BTRC: variants seen among roughly 807,000 people sequenced by gnomAD.
The protein encoded by BTRC is F-box/WD repeat-containing protein 1A.
In BTRC, 42 loss-of-function variants were observed where a neutral mutation model predicts 85.5. The observed-to-expected ratio is 0.49, with a 90% CI of 0.38 to 0.64. BTRC has a LOEUF of 0.64. Ranked by LOEUF, BTRC falls within the 30% of genes least tolerant of loss-of-function variation. BTRC has a pLI of 0.00. For synonymous variants in BTRC, 255 were observed against 263.3 expected, an observed-to-expected ratio of 0.97 and a Z score of 0.30; for missense variants, 594 against 743.5, an observed-to-expected ratio of 0.80 and a Z score of 2.34.
intron 3 of BTRC, among the ~76,000 whole-genome samples, chr10:101,466,397 G>A (rs1380033204): frequency 1.3e-5 from 2 of 152,136 alleles, no homozygotes; most frequent in Non-Finnish European, 1.5e-5. Context: ...CCATGAGAGA[G>A]GCCAAGAAGC....
At chr10:101,451,925 C>T (rs895405820) in intron 2 of BTRC, among the ~76,000 whole-genome samples, 4 of 152,070 alleles carry the variant, frequency 2.6e-5, no homozygotes, top group Non-Finnish European at 5.9e-5. Flanking sequence ...TGAGCTCAGT[C>T]CACCCACTCT....
At chr10:101,518,308 G>A (rs2062052937) in intron 4 of BTRC, among the ~76,000 whole-genome samples, 1 of 152,072 alleles carries the variant, frequency 6.6e-6, no homozygotes, top group African/African-American at 2.4e-5. Flanking sequence ...AGATTGTGTC[G>A]CTATTATGCT....
chr10:101,514,080 A>G (rs538253817), intron 4 of BTRC, among the ~76,000 whole-genome samples: 14 of 152,298 alleles, frequency 9.2e-5, no homozygotes, highest in Admixed American at 3.3e-4. Context: ...TTTTTTGTGA[A>G]GTATCTGTTC....
chr10:101,448,335 C>G (rs1280043950), intron 2 of BTRC, among the ~76,000 whole-genome samples: 1 of 152,080 alleles, frequency 6.6e-6, no homozygotes, highest in African/African-American at 2.4e-5. Flanking sequence ...AACAAAAACT[C>G]AACAAGGTTG....
At chr10:101,488,660 A>G (rs1334491809) in intron 4 of BTRC, among the ~76,000 whole-genome samples, 1 of 152,168 alleles carries the variant, frequency 6.6e-6, no homozygotes, top group Non-Finnish European at 1.5e-5. Context: ...TACATATTAG[A>G]CTTAGTGGCT....
At chr10:101,538,781 C>A (rs1452233184) in intron 13 of BTRC, among the ~76,000 whole-genome samples, 1 of 152,184 alleles carries the variant, frequency 6.6e-6, no homozygotes, top group Non-Finnish European at 1.5e-5. Context: ...GGTGCGGTGG[C>A]TCATGCCTAT....
At position 101,478,560 on chromosome 10, in the gene BTRC, G is replaced by A. The variant is rs557591771; in HGVS notation, c.235-808G>A. 2.0e-3 allele frequency among the ~76,000 whole-genome samples: 304 copies of A among 151,928 alleles called. 3 individuals carry two copies. Among genetic ancestry groups the A allele is most frequent in the Non-Finnish European group, 3.4e-3 (229 of 67,958 alleles). Reference sequence around the variant, plus strand: ...AATCCCAGCACATTAGAAGGCTGAGGCAGGAGGATCACTTGAGCTCAGGAG... The same window carrying A: ...AATCCCAGCACATTAGAAGGCTGAGACAGGAGGATCACTTGAGCTCAGGAG... On this transcript the variant is annotated intron_variant, in intron 3 of 14. Coordinates refer to ENST00000370187, the MANE Select transcript of BTRC (RefSeq NM_033637.4).
intron 4 of BTRC, among the ~76,000 whole-genome samples, chr10:101,513,323 A>G (rs1564817603): frequency 6.6e-6 from 1 of 152,178 alleles, no homozygotes; most frequent in Non-Finnish European, 1.5e-5. Context: ...TTTACATACA[A>G]TAAAATACAC....
At chr10:101,369,586 G>C (rs1208131846) in intron 1 of BTRC, among the ~76,000 whole-genome samples, 1 of 152,118 alleles carries the variant, frequency 6.6e-6, no homozygotes, top group East Asian at 1.9e-4. Flanking sequence ...GTTTCTTTTA[G>C]TAGAGAATGA....
chr10:101,389,008 G>A (rs1943156165), intron 1 of BTRC, among the ~76,000 whole-genome samples: 2 of 150,824 alleles, frequency 1.3e-5, no homozygotes, highest in South Asian at 4.2e-4. Flanking sequence ...GTGGGCTGAT[G>A]ATTTCTAATG....
intron 4 of BTRC, among the ~76,000 whole-genome samples, chr10:101,492,482 G>A (rs932620219): frequency 3.3e-5 from 5 of 152,014 alleles, no homozygotes; most frequent in Non-Finnish European, 7.4e-5. Flanking sequence ...TTTTCAGTTT[G>A]TATATTTTTC....
chr10:101,505,639 AAT>A (rs199587113), intron 4 of BTRC, among the ~76,000 whole-genome samples: 44,303 of 149,332 alleles, frequency 0.3, 7,667 homozygotes, highest in Middle Eastern at 0.46. Flanking sequence ...AAAAAAAAAA[AAT>A]AATAATAAAA....
chr10:101,506,791 T>A (rs1946553987), intron 4 of BTRC, among the ~76,000 whole-genome samples: 1 of 152,238 alleles, frequency 6.6e-6, no homozygotes, highest in African/African-American at 2.4e-5. Context: ...AGCTATAGTG[T>A]ACTCATTGTT....
At chr10:101,436,478 C>T (rs1944532722) in intron 2 of BTRC, among the ~76,000 whole-genome samples, 1 of 152,014 alleles carries the variant, frequency 6.6e-6, no homozygotes, top group Non-Finnish European at 1.5e-5. Flanking sequence ...GACCCTGTCT[C>T]TACAAAAAAT....
At chr10:101,528,696 C>CT (rs940060363) in intron 6 of BTRC, among the ~76,000 whole-genome samples, 5 of 152,082 alleles carry the variant, frequency 3.3e-5, no homozygotes, top group Admixed American at 2.6e-4. Flanking sequence ...GTTTTCTTCC[C>CT]TTTTTTAAAA....
intron 1 of BTRC, among the ~76,000 whole-genome samples, chr10:101,370,511 G>A (rs371128169): frequency 3.3e-5 from 5 of 152,164 alleles, no homozygotes; most frequent in African/African-American, 1.2e-4. Flanking sequence ...AATGAGTAGA[G>A]GTTTATTGTA....
intron 4 of BTRC, among the ~76,000 whole-genome samples, chr10:101,491,263 G>T (rs1946126021): frequency 6.6e-6 from 1 of 152,098 alleles, no homozygotes. Flanking sequence ...TTTAGTAATT[G>T]TTTTAGAAGT....
At chr10:101,513,958 T>C (rs1297262303) in intron 4 of BTRC, among the ~76,000 whole-genome samples, 1 of 152,234 alleles carries the variant, frequency 6.6e-6, no homozygotes, top group Non-Finnish European at 1.5e-5. Flanking sequence ...GTCTTTTAAA[T>C]TTTAGCCATT....
chr10:101,366,898 T>A (rs12218010), intron 1 of BTRC, among the ~76,000 whole-genome samples: 14 of 35,128 alleles, frequency 4.0e-4, no homozygotes, highest in African/African-American at 9.9e-4. Flanking sequence ...TTATATATAT[T>A]TATATATATT....
Sources: gnomAD v4.1 joint callset for allele counts (sites outside exome capture counted in the v4.1 genomes callset) on GRCh38, gnomAD v4.1.1 for gene constraint, MANE v1.5 for transcripts, NCBI Gene and HGNC (gene_info 2026-07-23, HGNC 2026-07-21) for gene names.